Variants in TRIO observed in about 807,000 individuals in gnomAD.
TRIO encodes the protein triple functional domain protein.
In TRIO, 58 loss-of-function variants were observed where a neutral mutation model predicts 351.9. That is an observed-to-expected ratio of 0.16 (90% CI 0.13 to 0.21). The LOEUF (loss-of-function observed/expected upper bound fraction) is 0.21, where lower values mean the gene tolerates loss of function less well. Ranked by LOEUF, TRIO falls within the 10% of genes least tolerant of loss-of-function variation. TRIO has a pLI of 1.00. For synonymous variants in TRIO, 1,758 were observed against 1,595.7 expected (o/e 1.10, Z -2.42); for missense variants, 3,201 against 4,027.8 (o/e 0.79, Z 5.56).
intron 29 of TRIO, among the ~76,000 whole-genome samples, 167 bp from the exon 30 acceptor site, chr5:14,398,712 CT>C (rs1201329495): frequency 6.6e-6 from 1 of 152,170 alleles, no homozygotes; most frequent in Non-Finnish European, 1.5e-5. Context: ...AAGAATTATC[CT>C]CTGTAGGATG....
At chr5:14,385,019 T>C (rs1225753917) in intron 21 of TRIO, among the ~76,000 whole-genome samples, 6 of 152,214 alleles carry the variant, frequency 3.9e-5, no homozygotes, top group African/African-American at 1.4e-4. Context: ...TTACTTAATA[T>C]AAGAAAAGCG....
intron 1 of TRIO, among the ~76,000 whole-genome samples, chr5:14,162,547 A>G (rs191804243): frequency 1.3e-5 from 2 of 152,352 alleles, no homozygotes; most frequent in Non-Finnish European, 2.9e-5. Context: ...GGTATGTGAA[A>G]GCATTTTAGG....
chr5:14,165,264 G>A (rs1310754211), intron 1 of TRIO, among the ~76,000 whole-genome samples: 2 of 152,142 alleles, frequency 1.3e-5, no homozygotes, highest in East Asian at 1.9e-4. Flanking sequence ...TTTTTAAACC[G>A]ACACCCTCAC....
intron 40 of TRIO, 105 bp from the exon 41 acceptor site, chr5:14,476,789 C>G: frequency 1.0e-6 from 1 of 967,338 alleles, no homozygotes; most frequent in Non-Finnish European, 1.5e-6. Flanking sequence ...GTGACACTCT[C>G]TCAAAAAAAA....
chr5:14,490,521 TCTGGCCTTTTGGC>T (rs762318171), intron 48 of TRIO, among the ~76,000 whole-genome samples: 1 of 152,226 alleles, frequency 6.6e-6, no homozygotes, highest in African/African-American at 2.4e-5. Flanking sequence ...AGCTCAGTGG[TCTGGCCTTTTGGC>T]CTGCTTTATT....
chr5:14,177,859 C>G (rs975138006), intron 1 of TRIO, among the ~76,000 whole-genome samples: 1 of 152,084 alleles, frequency 6.6e-6, no homozygotes, highest in African/African-American at 2.4e-5. Context: ...TTTCACAGGC[C>G]CATTATTAAA....
At chr5:14,324,377 A>C (rs1740181118) in intron 9 of TRIO, among the ~76,000 whole-genome samples, 1 of 152,182 alleles carries the variant, frequency 6.6e-6, no homozygotes. Context: ...TTTTGACTTA[A>C]AACACACTAA....
In TRIO at chr5:14,280,237, A is replaced by G; in HGVS notation, c.233-85A>G. On this transcript the variant is annotated intron_variant, in intron 2 of 56. Transcript: ENST00000344204. Reference sequence around the variant, plus strand: ...GCAAATTTGTGTAGTTGCTTTAGGAATAATTTTGACAGAGTGAATGGATGA... The same window carrying G: ...GCAAATTTGTGTAGTTGCTTTAGGAGTAATTTTGACAGAGTGAATGGATGA... The G allele has an allele frequency of 4.5e-6, 6 of 1,342,902 alleles. No individual in the cohort carries two copies. In the South Asian group the frequency reaches 7.3e-5, roughly 16 times the overall value. 83.2% of individuals were successfully genotyped at this position (1,342,902 alleles called of 1,614,324 possible). A position where few individuals can be genotyped will look rare whatever the true frequency, so the allele number is the denominator to read the frequency against.
rs1367983785 is a variant in TRIO at position 14,143,508 on chromosome 5, G to A, written c.-218G>A. Among the ~76,000 whole-genome samples, 1 of 147,708 alleles carries A rather than the reference G, an allele frequency of 6.8e-6. No individual in the cohort carries two copies. Among genetic ancestry groups the A allele is most frequent in the Non-Finnish European group, 1.5e-5 (1 of 66,370 alleles). The stretch of plus-strand genomic sequence containing the variant: ...CGTGGCTCCGCGCCTCCGCCCCTCG[G>A]CCAGCTCGCGGCTACCGGGCGGAGT... On this transcript the variant is annotated 5_prime_UTR_variant, in exon 1 of 57. Transcript: ENST00000344204.
At chr5:14,435,582 G>A (rs1313879052) in intron 34 of TRIO, among the ~76,000 whole-genome samples, 1 of 152,170 alleles carries the variant, frequency 6.6e-6, no homozygotes, top group Non-Finnish European at 1.5e-5. Flanking sequence ...ACACTATAGT[G>A]CTTACCTAAT....
chr5:14,381,454 C>T (rs951919054), intron 21 of TRIO, among the ~76,000 whole-genome samples: 3 of 152,142 alleles, frequency 2.0e-5, no homozygotes, highest in Non-Finnish European at 4.4e-5. Context: ...TCCTTTGTCC[C>T]TCTGATGTCT....
chr5:14,367,719 C>G (rs1019352871), intron 16 of TRIO, among the ~76,000 whole-genome samples: 8 of 152,310 alleles, frequency 5.3e-5, no homozygotes, highest in African/African-American at 1.7e-4. Context: ...CTGCTCTGCT[C>G]ACATACATGT....
At position 14,423,571 on chromosome 5, in the gene TRIO, C is replaced by G. The variant is rs536403493; in HGVS notation, c.5203+3550C>G. Among the ~76,000 whole-genome samples, 3 of 152,338 alleles carry G rather than the reference C, an allele frequency of 2.0e-5. No homozygotes were observed. In the South Asian group the frequency reaches 6.2e-4, roughly 32 times the overall value. On this transcript the variant is annotated intron_variant, in intron 34 of 56. Transcript: ENST00000344204. ...CCTGCTTTTTTCACCTTTTCCCTTT[C>G]TTCCCAACCAAGAGTCGCCCTACAC...
intron 1 of TRIO, among the ~76,000 whole-genome samples, chr5:14,183,169 T>G (rs1789897485): frequency 6.6e-6 from 1 of 152,124 alleles, no homozygotes; most frequent in African/African-American, 2.4e-5. Context: ...CTAGGTTTGT[T>G]CCCGGTGGCC....
chr5:14,458,812 T>A lies in TRIO; in HGVS notation c.5204-2207T>A, dbSNP rs1467119011. Among the ~76,000 whole-genome samples, 4 of 152,352 alleles carry A rather than the reference T, an allele frequency of 2.6e-5. No homozygotes were observed. In the East Asian group the frequency reaches 7.7e-4, roughly 29 times the overall value. On this transcript the variant is annotated intron_variant, in intron 34 of 56. Coordinates refer to ENST00000344204, the MANE Select transcript of TRIO (RefSeq NM_007118.4). ...AGGCTAGGAACTGTGTCTACCTCAT[T>A]TGCATTTTATCTTAAATCAGCACCT...
chr5:14,343,203 C>G (rs143640780), intron 11 of TRIO, among the ~76,000 whole-genome samples: 2,125 of 152,218 alleles, frequency 0.014, 21 homozygotes, highest in Non-Finnish European at 0.018. Flanking sequence ...AACCAGGACA[C>G]TGACTTTGCT....
At position 14,359,432 on chromosome 5, in the gene TRIO, G is replaced by A; in HGVS notation, c.2292G>A (p.Leu764=). ...ACATTGAGACGGTGCTGCAGCAGCT[G>A]GACGAGGCGCAGTCGCAGATGGAGG... ...INHIETVLQQ[L]DEAQSQMEEL... The change falls in exon 13 of 57, where the codon CTG becomes CTA. Residue 764 remains leucine (L), a synonymous_variant. Transcript: ENST00000344204. 2 of 1,614,286 alleles carry A rather than the reference G, an allele frequency of 1.2e-6. No individual in the cohort carries two copies. Among genetic ancestry groups the A allele is most frequent in the Admixed American group, 1.7e-5 (1 of 60,036 alleles).
rs748883903 is a variant in TRIO at position 14,488,098 on chromosome 5, C to T, written c.7470C>T (p.Pro2490=). ...QKGGSFWSSI[P]ASPASRPGSF... is the part of the protein sequence containing the mutation. ...GGGGCTCCTTCTGGAGCTCCATCCC[C>T]GCCTCCCCCGCCAGCCGACCCGGCT... Residue 2490 remains proline, a synonymous_variant, in exon 48 of 57, where the codon CCC becomes CCT. Transcript: ENST00000344204. 1.6e-5 allele frequency: 25 copies of T among 1,609,400 alleles called. No homozygotes were observed. The highest frequency in any genetic ancestry group is 5.3e-5 in the African/African-American group (4 of 74,866).
At chr5:14,319,842 T>C (rs1561335400) in intron 9 of TRIO, among the ~76,000 whole-genome samples, 1 of 152,126 alleles carries the variant, frequency 6.6e-6, no homozygotes, top group Non-Finnish European at 1.5e-5. Context: ...TTGTAAAACA[T>C]GGTTAATTTT....
Sources: allele counts gnomAD v4.1 joint callset (sites outside exome capture counted in the v4.1 genomes callset), GRCh38; gene constraint gnomAD v4.1.1; transcripts MANE v1.5; gene names NCBI Gene and HGNC (gene_info 2026-07-23, HGNC 2026-07-21).